DCC: variants seen among roughly 807,000 people sequenced by gnomAD.
The protein encoded by DCC is netrin receptor DCC.
A neutral mutation model predicts 172.5 loss-of-function variants in DCC; 58 were observed. That is an observed-to-expected ratio of 0.34 (90% confidence interval 0.27 to 0.42). The LOEUF is 0.42. Ranked by LOEUF, DCC falls within the 10% of genes least tolerant of loss-of-function variation. The pLI is 1.00. For missense variants in DCC, 1,740 were observed against 1,791.0 expected (o/e 0.97, Z 0.51); for synonymous variants, 709 against 644.5 (o/e 1.10, Z -1.52).
At chr18:52,434,685 T>C (rs1367865) in intron 1 of DCC, among the ~76,000 whole-genome samples, 135,898 of 151,670 alleles carry the variant, frequency 0.9, 60,973 homozygotes, top group African/African-American at 0.94. Flanking sequence ...TAGTTTAGGG[T>C]ACTTGGAACC....
In DCC at chr18:52,929,577, G is replaced by A. The variant is rs535531337; in HGVS notation, c.985+4207G>A. Reference sequence around the variant, plus strand: ...GAGGTTAAAACAACTGCCATACTTCGAATCTGTAGACACAGAGGCAGGTGA... The same window carrying A: ...GAGGTTAAAACAACTGCCATACTTCAAATCTGTAGACACAGAGGCAGGTGA... On this transcript the variant is annotated intron_variant, in intron 5 of 28. Transcript: ENST00000442544. Among the ~76,000 whole-genome samples the A allele has an allele frequency of 2.5e-4, 38 of 152,154 alleles. 1 individual carries two copies. The South Asian group carries it at 7.5e-3, about 30-fold the overall frequency.
At chr18:53,197,629 T>C (rs2055466542) in intron 9 of DCC, among the ~76,000 whole-genome samples, 1 of 152,060 alleles carries the variant, frequency 6.6e-6, no homozygotes, top group Non-Finnish European at 1.5e-5. Context: ...CGTTCAGTAT[T>C]AGGAAGATAG....
chr18:52,425,994 G>A (rs1030783538), intron 1 of DCC, among the ~76,000 whole-genome samples: 1 of 152,070 alleles, frequency 6.6e-6, no homozygotes, highest in African/African-American at 2.4e-5. Context: ...TTAGGCTCAA[G>A]ATCTCACTGT....
intron 28 of DCC, among the ~76,000 whole-genome samples, chr18:53,528,127 A>AAATT (rs2046479898): frequency 6.6e-6 from 1 of 152,150 alleles, no homozygotes; most frequent in Non-Finnish European, 1.5e-5. Flanking sequence ...TCTTTTATAA[A>AAATT]AATTATACTT....
In DCC at chr18:52,962,282, A is replaced by T. The variant is rs1393899510; in HGVS notation, c.985+36912A>T. Among the ~76,000 whole-genome samples the T allele has an allele frequency of 3.9e-5, 6 of 152,116 alleles. No homozygotes were observed. The East Asian group carries it at 1.2e-3, about 29-fold the overall frequency. ...TACAAGAAAAAAACAACCCCATCAAAAAGTGGGCAAAGGATATGAACAGAC... is the reference window on the plus strand; with the variant it reads ...TACAAGAAAAAAACAACCCCATCAATAAGTGGGCAAAGGATATGAACAGAC... On this transcript the variant is annotated intron_variant, in intron 5 of 28. Coordinates refer to ENST00000442544, the MANE Select transcript of DCC (RefSeq NM_005215.4).
intron 2 of DCC, among the ~76,000 whole-genome samples, chr18:52,853,941 C>A (rs1287674059): frequency 1.3e-5 from 2 of 152,182 alleles, no homozygotes; most frequent in African/African-American, 2.4e-5. Flanking sequence ...CAAAGCACTA[C>A]CAGCAAAGAA....
intron 1 of DCC, among the ~76,000 whole-genome samples, chr18:52,476,891 T>G (rs567146445): frequency 6.6e-6 from 1 of 152,254 alleles, no homozygotes; most frequent in African/African-American, 2.4e-5. Flanking sequence ...AAGCTGAAAG[T>G]GCAGTATTAG....
At chr18:52,504,070 G>C (rs1305382691) in intron 1 of DCC, among the ~76,000 whole-genome samples, 1 of 152,130 alleles carries the variant, frequency 6.6e-6, no homozygotes, top group Non-Finnish European at 1.5e-5. Context: ...CAGTCTTAGA[G>C]ATACTAACCA....
chr18:53,048,220 G>C (rs769030525), intron 5 of DCC, among the ~76,000 whole-genome samples: 1 of 151,434 alleles, frequency 6.6e-6, no homozygotes, highest in South Asian at 2.1e-4. Flanking sequence ...CATCACCCAG[G>C]TTATAAGGAC....
intron 5 of DCC, among the ~76,000 whole-genome samples, chr18:53,061,691 T>C (rs1599084523): frequency 6.6e-6 from 1 of 152,122 alleles, no homozygotes; most frequent in Non-Finnish European, 1.5e-5. Flanking sequence ...CTTTAGTACA[T>C]AGGCAGGGAA....
chr18:53,307,772 G>A (rs1358040076), intron 13 of DCC, among the ~76,000 whole-genome samples: 2 of 150,264 alleles, frequency 1.3e-5, no homozygotes, highest in East Asian at 2.0e-4. Context: ...TTTGATTAAA[G>A]TAATAAAGAT....
chr18:53,316,768 A>C (rs139504303), intron 13 of DCC, among the ~76,000 whole-genome samples: 1 of 152,074 alleles, frequency 6.6e-6, no homozygotes, highest in South Asian at 2.1e-4. Context: ...GGTGTATAGG[A>C]ATGCTTGTGA....
intron 2 of DCC, among the ~76,000 whole-genome samples, chr18:52,862,965 T>C (rs1267088706): frequency 2.0e-5 from 3 of 152,158 alleles, no homozygotes; most frequent in Non-Finnish European, 2.9e-5. Flanking sequence ...TTTCCATCAG[T>C]ATATTATTAA....
intron 1 of DCC, among the ~76,000 whole-genome samples, chr18:52,367,743 A>G (rs1215730956): frequency 6.6e-6 from 1 of 152,158 alleles, no homozygotes; most frequent in Non-Finnish European, 1.5e-5. Context: ...GGGTGCAGAG[A>G]ATCTGAAGCA....
At chr18:52,616,411 T>C (rs914349572) in intron 1 of DCC, among the ~76,000 whole-genome samples, 7 of 152,194 alleles carry the variant, frequency 4.6e-5, no homozygotes, top group South Asian at 2.1e-4. Context: ...TGACTAGAAA[T>C]TCATCTATGC....
At chr18:52,553,856 A>G (rs921533806) in intron 1 of DCC, among the ~76,000 whole-genome samples, 12 of 152,128 alleles carry the variant, frequency 7.9e-5, no homozygotes, top group Non-Finnish European at 1.8e-4. Flanking sequence ...ATGCAAAGGC[A>G]TATAATGAAG....
At chr18:52,577,929 G>A (rs1471310403) in intron 1 of DCC, among the ~76,000 whole-genome samples, 2 of 152,114 alleles carry the variant, frequency 1.3e-5, no homozygotes, top group East Asian at 3.8e-4. Context: ...GGTAAGGAGA[G>A]AGGAGATGAT....
intron 2 of DCC, among the ~76,000 whole-genome samples, chr18:52,822,866 A>G (rs1305468287): frequency 6.6e-6 from 1 of 152,174 alleles, no homozygotes; most frequent in Non-Finnish European, 1.5e-5. Context: ...TAAGTGTAGG[A>G]TTTGTTTTAG....
chr18:52,372,371 T>C (rs1484577717), intron 1 of DCC, among the ~76,000 whole-genome samples: 1 of 152,170 alleles, frequency 6.6e-6, no homozygotes, highest in Non-Finnish European at 1.5e-5. Context: ...TGAGAGTCCA[T>C]GCATTGGCTG....
Sources: gnomAD v4.1 joint callset for allele counts (sites outside exome capture counted in the v4.1 genomes callset) on GRCh38, gnomAD v4.1.1 for gene constraint, MANE v1.5 for transcripts, NCBI Gene and HGNC (gene_info 2026-07-23, HGNC 2026-07-21) for gene names.